The following GSE1 variants were observed in gnomAD, a reference collection of about 807,000 sequenced individuals.
GSE1 encodes Gse1 coiled-coil protein, also known as genetic suppressor element 1.
A neutral mutation model predicts 112.6 loss-of-function variants in GSE1; 32 were observed. The ratio of observed to expected loss-of-function variants is 0.28; its 90% confidence interval spans 0.21 to 0.38. GSE1 has a LOEUF of 0.38. Among genes scored for constraint, GSE1 ranks in the 10% least tolerant of loss-of-function variants. The pLI, the probability that GSE1 is intolerant of heterozygous loss-of-function variation, is 1.00. For synonymous variants in GSE1, 1,115 were observed against 735.6 expected (o/e 1.52, Z -8.35); for missense variants, 2,348 against 1,699.2 (o/e 1.38, Z -6.71).
intron 2 of GSE1, among the ~76,000 whole-genome samples, chr16:85,644,691 T>C (rs1306808253): frequency 6.6e-6 from 1 of 151,894 alleles, no homozygotes; most frequent in East Asian, 1.9e-4. Flanking sequence ...GGGGTTCCTT[T>C]TGGGGTGACG....
chr16:85,171,446 C>G (rs2074357639), exon 1 of GSE1: 1 of 985,530 alleles, frequency 1.0e-6, no homozygotes, highest in Non-Finnish European at 1.2e-6. Context: ...GTGGACTCCA[C>G]CGGCCTGGTG....
chr16:85,495,648 G>A (rs983809956), intron 2 of GSE1, among the ~76,000 whole-genome samples: 3 of 151,860 alleles, frequency 2.0e-5, no homozygotes, highest in South Asian at 2.1e-4. Flanking sequence ...GCACTACCAC[G>A]TCTAGCTAAT....
intron 1 of GSE1, among the ~76,000 whole-genome samples, chr16:85,233,000 A>T (rs1443183338): frequency 2.0e-5 from 3 of 152,234 alleles, no homozygotes; most frequent in Non-Finnish European, 4.4e-5. Flanking sequence ...CTGAGGTCAG[A>T]GATGGCAGTC....
intron 6 of GSE1, 72 bp downstream of exon 6, chr16:85,655,989 G>T: frequency 1.6e-6 from 2 of 1,264,736 alleles, no homozygotes; most frequent in Non-Finnish European, 2.2e-6. Context: ...AGAAAGCCTG[G>T]GCTGGAACCT....
chr16:85,663,701 G>A, intron 11 of GSE1, 87 bp downstream of exon 11: 4 of 1,340,298 alleles, frequency 3.0e-6, no homozygotes, highest in Non-Finnish European at 4.1e-6. Context: ...TGGACTCCAG[G>A]CAGGATCTGC....
At chr16:85,252,317 G>A (rs915489658) in intron 1 of GSE1, among the ~76,000 whole-genome samples, 4 of 152,236 alleles carry the variant, frequency 2.6e-5, no homozygotes, top group African/African-American at 9.6e-5. Context: ...GGCTGGACCT[G>A]TCACTGTAGC....
chr16:85,600,392 G>T (rs965162414), intron 1 of GSE1, among the ~76,000 whole-genome samples: 15 of 152,116 alleles, frequency 9.9e-5, no homozygotes, highest in African/African-American at 3.6e-4. Flanking sequence ...TGTCACCCAG[G>T]CCTGATGGGG....
At chr16:85,442,007 C>G (rs892637328) in intron 2 of GSE1, among the ~76,000 whole-genome samples, 6 of 152,252 alleles carry the variant, frequency 3.9e-5, no homozygotes, top group African/African-American at 9.6e-5. Flanking sequence ...CCAGCTTCAT[C>G]TCCACCTCCA....
chr16:85,319,257 G>C (rs2046048523), intron 1 of GSE1, among the ~76,000 whole-genome samples: 1 of 152,214 alleles, frequency 6.6e-6, no homozygotes, highest in Non-Finnish European at 1.5e-5. Flanking sequence ...TGGAAAAGTA[G>C]GCGTGTGACC....
At chr16:85,374,459 T>A (rs1015104767) in intron 2 of GSE1, among the ~76,000 whole-genome samples, 1 of 151,690 alleles carries the variant, frequency 6.6e-6, no homozygotes, top group African/African-American at 2.4e-5. Context: ...ATGTGCATTT[T>A]TGTGTGCACA....
chr16:85,370,997 T>C (rs10048112), intron 2 of GSE1, among the ~76,000 whole-genome samples: 152,132 of 152,348 alleles, frequency 1, 75,958 homozygotes, highest in Middle Eastern at 1. Flanking sequence ...CGCCCGGCGG[T>C]GGCTGGCTGT....
At chr16:85,506,128 T>A (rs1166176582) in intron 2 of GSE1, among the ~76,000 whole-genome samples, 1 of 152,146 alleles carries the variant, frequency 6.6e-6, no homozygotes, top group East Asian at 1.9e-4. Context: ...TGTGTGCAGT[T>A]GTGCAGCAGA....
At chr16:85,422,000 C>T (rs1396140509) in intron 2 of GSE1, among the ~76,000 whole-genome samples, 1 of 152,134 alleles carries the variant, frequency 6.6e-6, no homozygotes, top group East Asian at 1.9e-4. Context: ...TTCCGGGGGC[C>T]CCTCTCCCAT....
At chr16:85,237,557 G>T (rs1235266285) in intron 1 of GSE1, among the ~76,000 whole-genome samples, 1 of 151,882 alleles carries the variant, frequency 6.6e-6, no homozygotes, top group African/African-American at 2.4e-5. Context: ...GAGTGAATGA[G>T]GCTGGGCACG....
rs923512766 is a variant in GSE1 at position 85,419,548 on chromosome 16, G to C, written c.2464+61905G>C. Reference sequence around the variant, plus strand: ...CTGACCCTGGGAAATCGAGGCTGCAGTGAGCCATGACTGCATCACTGTACT... The same window carrying C: ...CTGACCCTGGGAAATCGAGGCTGCACTGAGCCATGACTGCATCACTGTACT... On this transcript the variant is annotated intron_variant, in intron 2 of 2. Transcript: ENST00000637419. This position sits in a 1 kb window ranked among gnomAD's most constrained non-coding sequence, Gnocchi z 6.5. Among the ~76,000 whole-genome samples the C allele has an allele frequency of 2.0e-5, 3 of 151,790 alleles. No individual in the cohort carries two copies. Among genetic ancestry groups the C allele is most frequent in the African/African-American group, 7.3e-5 (3 of 41,284 alleles).
chr16:85,446,329 T>G (rs969055150), intron 2 of GSE1, among the ~76,000 whole-genome samples: 1 of 152,214 alleles, frequency 6.6e-6, no homozygotes, highest in Non-Finnish European at 1.5e-5. Context: ...GGGCGGTAGC[T>G]GCAATGCTCT....
intron 2 of GSE1, among the ~76,000 whole-genome samples, chr16:85,527,310 GA>G (rs2151172391): frequency 6.6e-6 from 1 of 152,384 alleles, no homozygotes; most frequent in African/African-American, 2.4e-5. Flanking sequence ...GGTGATTGAT[GA>G]GAAGGCCACT....
At chr16:85,216,767 G>GA (rs1391015973) in intron 1 of GSE1, among the ~76,000 whole-genome samples, 9 of 152,224 alleles carry the variant, frequency 5.9e-5, no homozygotes, top group African/African-American at 1.9e-4. Context: ...GCCTCTGGGG[G>GA]ACTCCCTGGC....
chr16:85,360,571 C>T (rs1038676731), intron 2 of GSE1, among the ~76,000 whole-genome samples: 11 of 152,272 alleles, frequency 7.2e-5, no homozygotes, highest in Admixed American at 2.0e-4. Context: ...ACCTCTCATC[C>T]GGCAGGCGGG....
Sources: gnomAD v4.1 joint callset for allele counts (sites outside exome capture counted in the v4.1 genomes callset) on GRCh38, gnomAD v4.1.1 for gene constraint, Gnocchi (gnomAD v3.1) non-coding constraint, MANE v1.5 for transcripts, NCBI Gene and HGNC (gene_info 2026-07-23, HGNC 2026-07-21) for gene names.